DNER: variants seen among roughly 807,000 people sequenced by gnomAD.
DNER encodes the protein delta and Notch-like epidermal growth factor-related receptor.
A neutral mutation model predicts 78.2 loss-of-function variants in DNER; 33 were observed. That is an observed-to-expected ratio of 0.42 (90% CI 0.32 to 0.56). The LOEUF is 0.56. DNER is among the 20% of genes least tolerant of loss of function. DNER has a pLI of 0.11. For synonymous variants in DNER, 417 were observed against 384.8 expected (o/e 1.08, Z -0.98); for missense variants, 918 against 975.3 (o/e 0.94, Z 0.78).
At chr2:229,551,236 G>C (rs1246732456) in intron 4 of DNER, among the ~76,000 whole-genome samples, 1 of 151,982 alleles carries the variant, frequency 6.6e-6, no homozygotes, top group African/African-American at 2.4e-5. Context: ...TATTATCTTT[G>C]GGGAAAGATA....
chr2:229,477,404 A>G, intron 6 of DNER, 151 bp from the exon 7 acceptor site: 1 of 527,614 alleles, frequency 1.9e-6, no homozygotes, highest in South Asian at 3.1e-5. Flanking sequence ...TTATTTTTAC[A>G]AACTATGGTA....
chr2:229,641,128 A>C (rs1402193390), intron 1 of DNER, among the ~76,000 whole-genome samples: 1 of 152,216 alleles, frequency 6.6e-6, no homozygotes, highest in South Asian at 2.1e-4. Context: ...GATGCATGGT[A>C]ATGGTATGGA....
At chr2:229,667,889 C>T (rs1699120747) in intron 1 of DNER, among the ~76,000 whole-genome samples, 1 of 152,278 alleles carries the variant, frequency 6.6e-6, no homozygotes, top group Admixed American at 6.5e-5. Flanking sequence ...CAGGCTCCAC[C>T]CTTCACCAGG....
intron 1 of DNER, among the ~76,000 whole-genome samples, chr2:229,678,163 C>T (rs545531124): frequency 1.3e-5 from 2 of 152,292 alleles, no homozygotes; most frequent in Admixed American, 6.5e-5. Flanking sequence ...AGTTGAAGCA[C>T]GTGTCTTCCA....
chr2:229,689,270 T>G (rs1699531846), intron 1 of DNER, among the ~76,000 whole-genome samples: 1 of 152,198 alleles, frequency 6.6e-6, no homozygotes, highest in Admixed American at 6.5e-5. Flanking sequence ...AGGTGTCTTC[T>G]TGAACACAGG....
intron 8 of DNER, among the ~76,000 whole-genome samples, chr2:229,430,005 G>A (rs1693970791): frequency 1.3e-5 from 2 of 152,160 alleles, no homozygotes; most frequent in Admixed American, 1.3e-4. Context: ...GAGGAATATA[G>A]AAGATGCTTG....
chr2:229,509,176 TA>T (rs1422916616), intron 6 of DNER, among the ~76,000 whole-genome samples: 1 of 152,102 alleles, frequency 6.6e-6, no homozygotes, highest in Non-Finnish European at 1.5e-5. Context: ...TAAAATCCTT[TA>T]AAAAAAGATG....
chr2:229,680,894 C>T (rs1229099327), intron 1 of DNER, among the ~76,000 whole-genome samples: 3 of 152,198 alleles, frequency 2.0e-5, no homozygotes, highest in African/African-American at 7.2e-5. Flanking sequence ...CTACTATGTT[C>T]TAGGCACTGC....
At chr2:229,427,186 T>C (rs1310918900) in intron 8 of DNER, among the ~76,000 whole-genome samples, 1 of 152,172 alleles carries the variant, frequency 6.6e-6, no homozygotes, top group African/African-American at 2.4e-5. Context: ...AATTTCCATC[T>C]CCCTCCCTGG....
At chr2:229,464,729 C>G (rs186708096) in intron 7 of DNER, among the ~76,000 whole-genome samples, 61 of 152,170 alleles carry the variant, frequency 4.0e-4, no homozygotes, top group Non-Finnish European at 3.2e-4. Flanking sequence ...GTTATTGAAG[C>G]AGGGTGCGGT....
At chr2:229,465,524 C>T (rs764227607) in intron 7 of DNER, among the ~76,000 whole-genome samples, 5 of 152,160 alleles carry the variant, frequency 3.3e-5, no homozygotes, top group Middle Eastern at 3.4e-3. Context: ...CACCATGGCA[C>T]ACATTTACCT....
At chr2:229,404,613 G>A (rs1020368884) in intron 10 of DNER, among the ~76,000 whole-genome samples, 1 of 152,160 alleles carries the variant, frequency 6.6e-6, no homozygotes, top group African/African-American at 2.4e-5. Flanking sequence ...CAGAATGACT[G>A]GGAGTGATGG....
At chr2:229,489,491 G>A (rs560620708) in intron 6 of DNER, among the ~76,000 whole-genome samples, 2 of 151,948 alleles carry the variant, frequency 1.3e-5, no homozygotes, top group Non-Finnish European at 2.9e-5. Context: ...ATGACTGGGT[G>A]GGTGTGGGGG....
At chr2:229,524,740 C>A (rs950769411) in intron 5 of DNER, among the ~76,000 whole-genome samples, 3 of 152,198 alleles carry the variant, frequency 2.0e-5, no homozygotes, top group African/African-American at 7.2e-5. Context: ...CAGGGAGGAG[C>A]TGCACCTGCA....
chr2:229,477,514 C>A (rs1032885320), intron 6 of DNER, among the ~76,000 whole-genome samples: 2 of 152,206 alleles, frequency 1.3e-5, no homozygotes, highest in Non-Finnish European at 2.9e-5. Context: ...GGCATTAGGT[C>A]TGTGTTTCAT....
chr2:229,417,689 G>A (rs975716326), intron 9 of DNER, among the ~76,000 whole-genome samples: 4 of 152,228 alleles, frequency 2.6e-5, no homozygotes, highest in African/African-American at 4.8e-5. Flanking sequence ...CTTACTTGCT[G>A]ATACATGGGA....
At chr2:229,447,013 T>A (rs1477296919) in intron 8 of DNER, among the ~76,000 whole-genome samples, 2 of 152,212 alleles carry the variant, frequency 1.3e-5, no homozygotes, top group African/African-American at 4.8e-5. Context: ...AGATTAAGCC[T>A]GTTTTCAATT....
chr2:229,591,443 A>G lies in DNER; in HGVS notation c.585+137T>C. On this transcript the variant is annotated intron_variant, in intron 2 of 12. Coordinates refer to ENST00000341772, the MANE Select transcript of DNER (RefSeq NM_139072.4). The surrounding 1 kb of genome is among the most constrained non-coding windows in gnomAD (Gnocchi z 4.6). The stretch of plus-strand genomic sequence containing the variant: ...ATCGTACACACAAATGCAGACAGGA[A>G]TAAGTTTAGGGAGATATTTTGCTTC... 3.8e-6 allele frequency: 4 copies of G among 1,053,024 alleles called. No individual in the cohort carries two copies. Among genetic ancestry groups the G allele is most frequent in the East Asian group, 2.6e-5 (1 of 37,828 alleles). 65.2% of individuals were successfully genotyped at this position (1,053,024 alleles called of 1,614,324 possible).
At chr2:229,493,640 G>C (rs1188211218) in intron 6 of DNER, among the ~76,000 whole-genome samples, 1 of 148,708 alleles carries the variant, frequency 6.7e-6, no homozygotes, top group Non-Finnish European at 1.5e-5. Context: ...GGCTCATATA[G>C]AATTGTATCT....
Sources: gnomAD v4.1 joint callset for allele counts (sites outside exome capture counted in the v4.1 genomes callset) on GRCh38, gnomAD v4.1.1 for gene constraint, Gnocchi (gnomAD v3.1) non-coding constraint, MANE v1.5 for transcripts, NCBI Gene and HGNC (gene_info 2026-07-23, HGNC 2026-07-21) for gene names.